The following CABP5 variants were observed in gnomAD, a reference collection of about 807,000 sequenced individuals.
CABP5 encodes the protein calcium binding protein 5, also known as calcium-binding protein 5.
In CABP5, 17 loss-of-function variants were observed where a neutral mutation model predicts 21.9. That is an observed-to-expected ratio of 0.78 (90% CI 0.53 to 1.17). The LOEUF (loss-of-function observed/expected upper bound fraction) is 1.17. Among genes scored for constraint, CABP5 ranks in the 50% most tolerant of loss-of-function variants. The pLI is 0.00. For synonymous variants in CABP5, 85 were observed against 79.4 expected (o/e 1.07, Z -0.37); for missense variants, 229 against 228.9 (o/e 1.00, Z 0.00).
rs1967375307 is a variant in CABP5 at position 48,034,082 on chromosome 19, C to G, written c.496+133G>C. 4 of 863,670 alleles carry G rather than the reference C, an allele frequency of 4.6e-6. No homozygotes were observed. In the East Asian group the frequency reaches 9.3e-5, roughly 20 times the overall value. 53.5% of individuals were successfully genotyped at this position (863,670 alleles called of 1,614,324 possible). ...GGGACAGAACAAATGCTTCCAAAAC[C>G]TGCCACCCGCTTCCATTCTCAAACT... On this transcript the variant is annotated intron_variant, in intron 5 of 5. Coordinates refer to ENST00000293255, the MANE Select transcript of CABP5 (RefSeq NM_019855.5).
intron 4 of CABP5, among the ~76,000 whole-genome samples, chr19:48,037,327 G>GGA (rs1257187385): frequency 7.6e-6 from 1 of 132,036 alleles, no homozygotes; most frequent in Non-Finnish European, 1.5e-5. Flanking sequence ...GGAGTGCAGT[G>GGA]GTGCGATCTT....
chr19:48,037,094 T>C (rs1967417824), intron 4 of CABP5, among the ~76,000 whole-genome samples: 1 of 152,046 alleles, frequency 6.6e-6, no homozygotes, highest in Admixed American at 6.6e-5. Context: ...CTTCTGGGTA[T>C]GTATCTAAAG....
Position 48,042,042 on chromosome 19 carries a change from T to C in CABP5, c.64-439A>G, listed in dbSNP as rs572376141. 1.9e-3 allele frequency among the ~76,000 whole-genome samples: 285 copies of C among 152,272 alleles called. 1 individual carries two copies. The highest frequency in any genetic ancestry group is 6.6e-3 in the African/African-American group (274 of 41,546). Reference sequence around the variant, plus strand: ...GATGCAGATCTACATCTCGTTTCCATCTTACCCATGAGAAAGCTGAGGAAC... The same window carrying C: ...GATGCAGATCTACATCTCGTTTCCACCTTACCCATGAGAAAGCTGAGGAAC... On this transcript the variant is annotated intron_variant, in intron 1 of 5. Transcript: ENST00000293255.
At chr19:48,038,687 T>C (rs1473910627) in intron 4 of CABP5, among the ~76,000 whole-genome samples, 2 of 151,974 alleles carry the variant, frequency 1.3e-5, no homozygotes, top group Admixed American at 6.6e-5. Context: ...ATTAGCTGGG[T>C]GTGGTATCGC....
intron 4 of CABP5, among the ~76,000 whole-genome samples, chr19:48,037,132 G>A (rs1428251035): frequency 6.6e-6 from 1 of 151,966 alleles, no homozygotes; most frequent in Non-Finnish European, 1.5e-5. Context: ...TCAAAGGGAT[G>A]TTTGCACTCC....
chr19:48,031,409 G>A (rs933093500), intron 5 of CABP5, among the ~76,000 whole-genome samples: 5 of 151,906 alleles, frequency 3.3e-5, no homozygotes, highest in Non-Finnish European at 7.4e-5. Flanking sequence ...GCGTGGTGGC[G>A]GGCGCCTGTA....
intron 1 of CABP5, among the ~76,000 whole-genome samples, chr19:48,043,285 G>T (rs1342359212): frequency 6.8e-6 from 1 of 146,096 alleles, no homozygotes. Context: ...TGCGATTCAG[G>T]CATGAGCCAC....
chr19:48,039,413 C>A, intron 3 of CABP5, 96 bp from the exon 4 acceptor site: 1 of 902,456 alleles, frequency 1.1e-6, no homozygotes, highest in Non-Finnish European at 1.8e-6. Flanking sequence ...GCTCCCTTCT[C>A]CCTGCCCTAT....
intron 3 of CABP5, among the ~76,000 whole-genome samples, chr19:48,039,561 A>T (rs1231782641): frequency 2.0e-5 from 3 of 152,036 alleles, no homozygotes; most frequent in Admixed American, 1.3e-4. Flanking sequence ...GTTGGTTAAG[A>T]TGTTTCTCCT....
At chr19:48,038,643 A>G (rs1204808087) in intron 4 of CABP5, among the ~76,000 whole-genome samples, 2 of 152,144 alleles carry the variant, frequency 1.3e-5, no homozygotes, top group African/African-American at 4.8e-5. Context: ...CCTGGTCAAC[A>G]TGGTGAAACC....
intron 4 of CABP5, among the ~76,000 whole-genome samples, chr19:48,034,977 G>A (rs889132003): frequency 2.0e-5 from 3 of 152,050 alleles, no homozygotes; most frequent in Non-Finnish European, 4.4e-5. Flanking sequence ...AGTGCCCAGC[G>A]ATACATTTAA....
chr19:48,037,797 A>C (rs1371131675), intron 4 of CABP5, among the ~76,000 whole-genome samples: 1 of 152,202 alleles, frequency 6.6e-6, no homozygotes, highest in Non-Finnish European at 1.5e-5. Context: ...ATGCTTAATT[A>C]GGATACTTAG....
At chr19:48,030,952 A>AC (rs1262671772) in intron 5 of CABP5, among the ~76,000 whole-genome samples, 2 of 151,984 alleles carry the variant, frequency 1.3e-5, no homozygotes, top group African/African-American at 2.4e-5. Flanking sequence ...ACATAGCGAC[A>AC]CCCCCAACTC....
At chr19:48,031,169 A>T (rs112348633) in intron 5 of CABP5, among the ~76,000 whole-genome samples, 4 of 152,270 alleles carry the variant, frequency 2.6e-5, no homozygotes, top group African/African-American at 9.6e-5. Context: ...TGGGAATCCT[A>T]GTATTGCTAT....
intron 5 of CABP5, among the ~76,000 whole-genome samples, chr19:48,031,527 G>A (rs2122359114): frequency 6.6e-6 from 1 of 152,268 alleles, no homozygotes; most frequent in Non-Finnish European, 1.5e-5. Context: ...GTGACGGAGT[G>A]AGACTCCATC....
rs34681062 is a variant in CABP5, at chr19:48,034,293, C to G, written c.418G>C (p.Glu140Gln). The G allele has an allele frequency of 1.2e-6, 2 of 1,609,160 alleles. No homozygotes were observed. Among genetic ancestry groups the G allele is most frequent in the East Asian group, 4.5e-5 (2 of 44,214 alleles). ...LQQAMQRLLG[E>Q]RLTPREISEV... is the part of the protein sequence containing the mutation. ...GAGATCTCCCGGGGGGTGAGCCGCT[C>G]CCCCAGGAGTCTCTGCATGGCCTGC... The change falls in exon 5 of 6, where the codon GAG becomes CAG. Residue 140 changes from glutamate to glutamine, a missense_variant. By Grantham distance (29) the Glu-to-Gln change is conservative (BLOSUM62 2). Transcript: ENST00000293255.
chr19:48,043,972 C>T lies in CABP5; in HGVS notation c.-50G>A. 3 of 1,450,158 alleles carry T rather than the reference C, an allele frequency of 2.1e-6. No homozygotes were observed. The highest frequency in any genetic ancestry group is 2.8e-6 in the Non-Finnish European group (3 of 1,086,616). 89.8% of individuals were successfully genotyped at this position (1,450,158 alleles called of 1,614,324 possible). ...GGCACCAGTCTCAAGATGGCCCCTC[C>T]TCCCTGCTCCCTGTCGGAGCTCAGC... On this transcript the variant is annotated 5_prime_UTR_variant, in exon 1 of 6. Coordinates refer to ENST00000293255, the MANE Select transcript of CABP5 (RefSeq NM_019855.5).
At chr19:48,032,334 CTTTTTTT>C (rs11384879) in intron 5 of CABP5, among the ~76,000 whole-genome samples, 1 of 144,178 alleles carries the variant, frequency 6.9e-6, no homozygotes, top group South Asian at 2.2e-4. Context: ...TAATTTTGGA[CTTTTTTT>C]TTTTTTTTCT....
At chr19:48,043,647 T>C (rs1002417279) in intron 1 of CABP5, among the ~76,000 whole-genome samples, 1 of 148,756 alleles carries the variant, frequency 6.7e-6, no homozygotes, top group African/African-American at 2.5e-5. Context: ...TCTCTCCTTC[T>C]CTTTGCTCCT....
Sources: allele counts gnomAD v4.1 joint callset (sites outside exome capture counted in the v4.1 genomes callset), GRCh38; gene constraint gnomAD v4.1.1; transcripts MANE v1.5; gene names NCBI Gene and HGNC (gene_info 2026-07-23, HGNC 2026-07-21).